Variants in GRM5 observed in about 807,000 individuals in gnomAD.
GRM5 encodes metabotropic glutamate receptor 5.
GRM5 carries 19 observed loss-of-function variants against 83.1 expected under a neutral mutation model. That is an observed-to-expected ratio of 0.23 (90% CI 0.16 to 0.34). The LOEUF is 0.34. Among genes scored for constraint, GRM5 ranks in the 10% least tolerant of loss-of-function variants. The pLI is 1.00. For synonymous variants in GRM5, 675 were observed against 633.6 expected (o/e 1.07, Z -0.98); for missense variants, 1,160 against 1,588.3 (o/e 0.73, Z 4.58).
chr11:88,978,721 G>A (rs1480660595), intron 2 of GRM5, among the ~76,000 whole-genome samples: 2 of 151,496 alleles, frequency 1.3e-5, no homozygotes, highest in Non-Finnish European at 2.9e-5. Flanking sequence ...CTAATATTTT[G>A]AGCACCTTGC....
chr11:88,709,164 C>G (rs1941228612), intron 3 of GRM5, among the ~76,000 whole-genome samples: 1 of 151,760 alleles, frequency 6.6e-6, no homozygotes, highest in African/African-American at 2.4e-5. Context: ...AAAAGCACTC[C>G]AAAGGAGGAG....
At chr11:88,872,017 A>G (rs1944776335) in intron 2 of GRM5, among the ~76,000 whole-genome samples, 2 of 151,558 alleles carry the variant, frequency 1.3e-5, no homozygotes, top group Non-Finnish European at 3.0e-5. Context: ...TTTCCATTAT[A>G]TCACACAGAA....
intron 2 of GRM5, among the ~76,000 whole-genome samples, chr11:88,994,564 G>C (rs757284100): frequency 2.2e-5 from 3 of 134,372 alleles, no homozygotes; most frequent in South Asian, 2.5e-4. Context: ...AGACAGCAGA[G>C]TTAGCCATGG....
intron 8 of GRM5, among the ~76,000 whole-genome samples, chr11:88,534,836 G>T (rs190613251): frequency 6.6e-6 from 1 of 152,318 alleles, no homozygotes; most frequent in Admixed American, 6.5e-5. Context: ...CCTTGTGGGA[G>T]ATAATTGAAT....
At chr11:88,751,086 A>AAAC (rs1555007945) in intron 3 of GRM5, among the ~76,000 whole-genome samples, 3 of 148,336 alleles carry the variant, frequency 2.0e-5, no homozygotes, top group Non-Finnish European at 3.0e-5. Flanking sequence ...AAAAAAAAAA[A>AAAC]AAAAAAAAAC....
intron 3 of GRM5, among the ~76,000 whole-genome samples, chr11:88,661,767 C>T (rs1248923459): frequency 1.3e-5 from 2 of 151,820 alleles, no homozygotes; most frequent in Admixed American, 1.3e-4. Context: ...GTATGTTGCC[C>T]AGGATGGATT....
intron 1 of GRM5, among the ~76,000 whole-genome samples, chr11:89,048,792 A>T (rs943653259): frequency 6.6e-6 from 1 of 152,304 alleles, no homozygotes; most frequent in Admixed American, 6.5e-5. Context: ...GGAAGAGTCA[A>T]ATTAGCACCA....
intron 2 of GRM5, among the ~76,000 whole-genome samples, chr11:88,893,944 T>C (rs1945188722): frequency 6.6e-6 from 1 of 152,046 alleles, no homozygotes; most frequent in Non-Finnish European, 1.5e-5. Flanking sequence ...TGCTTTTCTT[T>C]TTAATGAAAC....
chr11:88,884,939 G>T (rs567380692), intron 2 of GRM5, among the ~76,000 whole-genome samples: 1 of 151,990 alleles, frequency 6.6e-6, no homozygotes, highest in Admixed American at 6.6e-5. Context: ...TTTATTACCA[G>T]CATGAGATCA....
intron 2 of GRM5, among the ~76,000 whole-genome samples, chr11:88,897,175 T>G (rs1351839576): frequency 2.6e-5 from 4 of 151,896 alleles, no homozygotes; most frequent in Non-Finnish European, 5.9e-5. Flanking sequence ...GTTGAGGAAC[T>G]GCAAAAGGAA....
At chr11:88,670,024 T>C (rs1303418112) in intron 3 of GRM5, among the ~76,000 whole-genome samples, 1 of 152,060 alleles carries the variant, frequency 6.6e-6, no homozygotes, top group Non-Finnish European at 1.5e-5. Flanking sequence ...AAAAATGTAG[T>C]ATTAGATATT....
At chr11:88,546,856 G>T (rs1225871629) in intron 8 of GRM5, among the ~76,000 whole-genome samples, 2 of 152,194 alleles carry the variant, frequency 1.3e-5, no homozygotes, top group South Asian at 2.1e-4. Flanking sequence ...GAAGCATAAG[G>T]TTAAATTGAA....
At chr11:88,827,601 T>C (rs1269409115) in intron 3 of GRM5, among the ~76,000 whole-genome samples, 3 of 152,218 alleles carry the variant, frequency 2.0e-5, no homozygotes, top group Non-Finnish European at 4.4e-5. Context: ...GGTTGGTTGT[T>C]TGAATCCTGC....
intron 2 of GRM5, among the ~76,000 whole-genome samples, chr11:88,882,953 C>G (rs911911651): frequency 2.0e-5 from 3 of 152,172 alleles, no homozygotes; most frequent in African/African-American, 7.2e-5. Flanking sequence ...CCTATGCTCT[C>G]TCTCCTGCCT....
chr11:88,553,058 A>C (rs1208122640), intron 8 of GRM5, among the ~76,000 whole-genome samples: 2 of 152,170 alleles, frequency 1.3e-5, no homozygotes, highest in African/African-American at 4.8e-5. Context: ...GTTTTTCACT[A>C]AAGTCAATTT....
At chr11:88,875,486 A>G (rs940751319) in intron 2 of GRM5, among the ~76,000 whole-genome samples, 1 of 151,932 alleles carries the variant, frequency 6.6e-6, no homozygotes, top group Admixed American at 6.6e-5. Flanking sequence ...ACTTTTTCCA[A>G]ATTCCTGTTA....
rs144711860 is a variant in GRM5, at chr11:88,580,907, G to A, written c.1690+9694C>T. ...TGTAATCCCAGCACTTTGGGAGGCT[G>A]AGGCGGCCTGACTAACAAGGTGAAA... On this transcript the variant is annotated intron_variant, in intron 7 of 9. Transcript: ENST00000305447. 7.3e-3 allele frequency among the ~76,000 whole-genome samples: 1,117 copies of A among 152,238 alleles called. 11 individuals are homozygous for A. The highest frequency in any genetic ancestry group is 0.026 in the African/African-American group (1,080 of 41,540).
chr11:88,582,012 A>G (rs1943220414), intron 7 of GRM5, among the ~76,000 whole-genome samples: 1 of 151,400 alleles, frequency 6.6e-6, no homozygotes, highest in South Asian at 2.1e-4. Context: ...ATCAACGTTT[A>G]CTCCCATCCT....
At chr11:88,732,219 G>T (rs1941821975) in intron 3 of GRM5, among the ~76,000 whole-genome samples, 1 of 152,014 alleles carries the variant, frequency 6.6e-6, no homozygotes, top group Admixed American at 6.6e-5. Flanking sequence ...CTGAATGCAA[G>T]ATTACTTTAT....
Sources: allele counts gnomAD v4.1 joint callset (sites outside exome capture counted in the v4.1 genomes callset), GRCh38; gene constraint gnomAD v4.1.1; transcripts MANE v1.5; gene names NCBI Gene and HGNC (gene_info 2026-07-23, HGNC 2026-07-21).